EIF6: variants seen among roughly 807,000 people sequenced by gnomAD.
EIF6 encodes B4 integrin interactor.
A neutral mutation model predicts 25.5 loss-of-function variants in EIF6; 10 were observed. The ratio of observed to expected loss-of-function variants is 0.39; its 90% CI spans 0.24 to 0.66. EIF6 has a LOEUF of 0.66. EIF6 is among the 30% of genes least tolerant of loss of function. The pLI is 0.45. For synonymous variants in EIF6, 122 were observed against 122.6 expected, an observed-to-expected ratio of 1.00 and a Z score of 0.03; for missense variants, 246 against 315.4, an observed-to-expected ratio of 0.78 and a Z score of 1.67.
At chr20:35,279,391 T>C (rs2060750007) in intron 6 of EIF6, among the ~76,000 whole-genome samples, 175 bp downstream of exon 6, 1 of 152,210 alleles carries the variant, frequency 6.6e-6, no homozygotes, top group Non-Finnish European at 1.5e-5. Context: ...TCAAGAAATA[T>C]TTTTTGAATA....
At chr20:35,284,687 C>G (rs2060810872) in intron 1 of EIF6, 39 bp downstream of exon 1, 1 of 626,780 alleles carries the variant, frequency 1.6e-6, no homozygotes, top group Non-Finnish European at 2.8e-6. Context: ...GACCCAGGAC[C>G]GGAGCTGACC....
At chr20:35,282,033 G>A (rs1205150848) in intron 3 of EIF6, among the ~76,000 whole-genome samples, 1 of 145,190 alleles carries the variant, frequency 6.9e-6, no homozygotes, top group Non-Finnish European at 1.5e-5. Flanking sequence ...CTGTTGCCCA[G>A]GCTGGAGTGC....
intron 3 of EIF6, among the ~76,000 whole-genome samples, chr20:35,281,767 A>G (rs1415490795): frequency 6.6e-6 from 1 of 152,020 alleles, no homozygotes; most frequent in Admixed American, 6.6e-5. Context: ...AATTTTTACA[A>G]GTCATCAATT....
intron 3 of EIF6, among the ~76,000 whole-genome samples, chr20:35,283,186 T>A (rs1300120804): frequency 6.6e-6 from 1 of 151,968 alleles, no homozygotes; most frequent in Non-Finnish European, 1.5e-5. Context: ...CCCAGCTACT[T>A]GGGAGGCTGA....
intron 3 of EIF6, 31 bp from the exon 4 acceptor site, chr20:35,280,860 A>G (rs747555584): frequency 6.2e-7 from 1 of 1,610,122 alleles, no homozygotes; most frequent in East Asian, 2.2e-5. Context: ...GGGTGAATAC[A>G]CAAGATGCCT....
At position 35,279,713 on chromosome 20, in the gene EIF6, G is replaced by A; in HGVS notation, c.581C>T (p.Ala194Val). 6.2e-7 allele frequency: 1 copy of A among 1,614,040 alleles called. No individual in the cohort carries two copies. Among genetic ancestry groups the A allele is most frequent in the East Asian group, 2.2e-5 (1 of 44,892 alleles). The change falls in exon 6 of 7, where the codon GCT (alanine) becomes GTT (valine). Residue 194 changes from alanine (A) to valine (V), a missense_variant. Coordinates refer to ENST00000374450, the MANE Select transcript of EIF6 (RefSeq NM_002212.4). ...GTVNRGSEVI[A>V]AGMVVNDWCA... ...CCAGTCATTCACCACCATCCCAGCA[G>A]CAATCACCTCACTGCCTCGGTTCAC...
In EIF6 at chr20:35,279,634, ACT is replaced by A; in HGVS notation, c.658_659del (p.Ser220CysfsTer6). 6.2e-7 allele frequency: 1 copy of A among 1,613,864 alleles called. No homozygotes were observed. The highest frequency in any genetic ancestry group is 8.5e-7 in the Non-Finnish European group (1 of 1,179,964). ...TTSTELSVVE[S>X]VFKLNEAQPS... ...GCTGGGCTTCATTCAGCTTGAAGAC[ACT>A]CTCCACCACTGACAGCTCTGTGCTG... On this transcript the variant is annotated frameshift_variant, in exon 6 of 7. Coordinates refer to ENST00000374450, the MANE Select transcript of EIF6 (RefSeq NM_002212.4). LOFTEE classifies it high-confidence loss of function.
At position 35,279,039 on chromosome 20, in the gene EIF6, C is replaced by T. The variant is rs562928916; in HGVS notation, c.*158G>A. 18 of 892,796 alleles carry T rather than the reference C, an allele frequency of 2.0e-5. No homozygotes were observed. The highest frequency in any genetic ancestry group is 3.1e-4 in the Middle Eastern group (1 of 3,248). The allele number at this position is 892,796 out of a possible 1,614,324, so 55.3% of individuals were successfully genotyped here. The stretch of plus-strand genomic sequence containing the variant: ...TTTTTGCAGTAATGATAGATCCAGG[C>T]GATAAGCACAGGTGGAAAAGGGTTG... On this transcript the variant is annotated 3_prime_UTR_variant, in exon 7 of 7. Transcript: ENST00000374450.
In EIF6 at chr20:35,284,759, C is replaced by T. The variant is rs553976103; in HGVS notation, c.-39G>A. The T allele has an allele frequency of 1.6e-3, 804 of 510,012 alleles. 21 individuals are homozygous for T. In the South Asian group the frequency reaches 0.021, roughly 14 times the overall value. The allele number at this position is 510,012 out of a possible 1,614,324, so 31.6% of individuals were successfully genotyped here. On this transcript the variant is annotated 5_prime_UTR_variant, in exon 1 of 7. Transcript: ENST00000374450. The stretch of plus-strand genomic sequence containing the variant: ...CAGTAACAAGCTCCGCACGCGGCGA[C>T]TGTACCTTGGACTCCCTAAAAAGGT...
chr20:35,279,661 G>A lies in EIF6; in HGVS notation c.633C>T (p.Thr211=), dbSNP rs771295422. ...TCTCCACCACTGACAGCTCTGTGCT[G>A]GTTGTGTCCAGGCCACAGAAGGCAC... ...DWCAFCGLDT[T]STELSVVESV... The change falls in exon 6 of 7, where the codon ACC becomes ACT. Residue 211 remains threonine, a synonymous_variant. Transcript: ENST00000374450. 1.2e-6 allele frequency: 2 copies of A among 1,614,200 alleles called. No individual in the cohort carries two copies. The highest frequency in any genetic ancestry group is 1.7e-6 in the Non-Finnish European group (2 of 1,180,034).
intron 6 of EIF6, 87 bp downstream of exon 6, chr20:35,279,479 C>A: frequency 6.5e-7 from 1 of 1,546,448 alleles, no homozygotes. Context: ...TGGTAGGCTC[C>A]CATTCTAGAT....
Position 35,279,143 on chromosome 20 carries a change from G to A in EIF6, c.*54C>T, listed in dbSNP as rs2060746531. 1.9e-6 allele frequency: 3 copies of A among 1,612,280 alleles called. No homozygotes were observed. The highest frequency in any genetic ancestry group is 2.5e-6 in the Non-Finnish European group (3 of 1,178,516). ...CGGTACAGATTGGGCGGAATGTGGA[G>A]AAGGTTGGCCACAGTCCAGAGCCAG... On this transcript the variant is annotated 3_prime_UTR_variant, in exon 7 of 7. Coordinates refer to ENST00000374450, the MANE Select transcript of EIF6 (RefSeq NM_002212.4).
intron 3 of EIF6, among the ~76,000 whole-genome samples, chr20:35,283,034 G>A (rs188177018): frequency 6.6e-6 from 1 of 152,306 alleles, no homozygotes; most frequent in Non-Finnish European, 1.5e-5. Context: ...GCTCACGCCT[G>A]TAATCCCAGC....
At chr20:35,284,605 C>T (rs2060809785) in intron 1 of EIF6, 113 bp from the exon 2 acceptor site, 1 of 1,267,562 alleles carries the variant, frequency 7.9e-7, no homozygotes, top group Non-Finnish European at 1.1e-6. Context: ...CCGGCCCCTC[C>T]GTCCTCGGGT....
chr20:35,280,236 C>A (rs1440924808), intron 4 of EIF6, 118 bp from the exon 5 acceptor site: 3 of 1,132,644 alleles, frequency 2.6e-6, no homozygotes, highest in African/African-American at 3.1e-5. Context: ...TCCTCTGTAC[C>A]TCATATGAAA....
At position 35,284,424 on chromosome 20, in the gene EIF6, T is replaced by A. The variant is rs1352437628; in HGVS notation, c.64A>T (p.Thr22Ser). Reference sequence around the variant, plus strand: ...CCTCCGATCGCTACCAGACAGTAGGTGTTGGTGAGCTTGGCAAAGCAGCCG... The same window carrying A: ...CCTCCGATCGCTACCAGACAGTAGGAGTTGGTGAGCTTGGCAAAGCAGCCG... ...EIGCFAKLTN[T>S]YCLVAIGGSE... is the part of the protein sequence containing the mutation. The change falls in exon 2 of 7, where the codon ACC (threonine) becomes TCC (serine). Residue 22 changes from threonine (T) to serine (S), a missense_variant. Thr to Ser is a moderately conservative substitution (Grantham distance 58, BLOSUM62 1). Coordinates refer to ENST00000374450, the MANE Select transcript of EIF6 (RefSeq NM_002212.4). 1 of 1,613,750 alleles carries A rather than the reference T, an allele frequency of 6.2e-7. No homozygotes were observed. Among genetic ancestry groups the A allele is most frequent in the East Asian group, 2.2e-5 (1 of 44,860 alleles).
At chr20:35,281,450 G>A (rs1439765954) in intron 3 of EIF6, among the ~76,000 whole-genome samples, 1 of 150,886 alleles carries the variant, frequency 6.6e-6, no homozygotes, top group Non-Finnish European at 1.5e-5. Context: ...AGAATGGCTA[G>A]ATTATTATTT....
chr20:35,283,815 A>G (rs1162413285), intron 3 of EIF6, among the ~76,000 whole-genome samples: 4 of 151,824 alleles, frequency 2.6e-5, no homozygotes, highest in Admixed American at 6.6e-5. Context: ...AAAAAAAAAA[A>G]AGAGAAAAAT....
chr20:35,279,448 C>T (rs534969430), intron 6 of EIF6, 118 bp downstream of exon 6: 14 of 1,415,716 alleles, frequency 9.9e-6, no homozygotes, highest in East Asian at 2.3e-5. Flanking sequence ...CTCTCACACT[C>T]GAGAAGCTAC....
Sources: allele counts gnomAD v4.1 joint callset (sites outside exome capture counted in the v4.1 genomes callset), GRCh38; gene constraint gnomAD v4.1.1; transcripts MANE v1.5; gene names NCBI Gene and HGNC (gene_info 2026-07-23, HGNC 2026-07-21).